The following AATK variants were observed in gnomAD, a reference collection of about 807,000 sequenced individuals.
The protein encoded by AATK is lemur tail kinase 1.
AATK carries 91 observed loss-of-function variants against 114.3 expected under a neutral mutation model. The ratio of observed to expected loss-of-function variants is 0.80; its 90% CI spans 0.67 to 0.95. The LOEUF (loss-of-function observed/expected upper bound fraction) is 0.95, where lower values mean the gene tolerates loss of function less well. AATK is among the 40% of genes least tolerant of loss of function. The pLI is 0.00. For missense variants in AATK, 2,176 were observed against 1,965.2 expected, an observed-to-expected ratio of 1.11 and a Z score of -2.03; for synonymous variants, 1,075 against 916.5, an observed-to-expected ratio of 1.17 and a Z score of -3.12.
At chr17:81,149,466 G>T (rs529585760) in intron 1 of AATK, among the ~76,000 whole-genome samples, 97 of 145,506 alleles carry the variant, frequency 6.7e-4, no homozygotes, top group Middle Eastern at 3.5e-3. Flanking sequence ...CCAATCCCTT[G>T]TCTTCTCTCC....
At chr17:81,127,147 G>A (rs1017080195) in intron 6 of AATK, among the ~76,000 whole-genome samples, 9 of 150,792 alleles carry the variant, frequency 6.0e-5, no homozygotes, top group Non-Finnish European at 7.4e-5. Flanking sequence ...ACAGGTCCCC[G>A]GGGCGGGGGG....
chr17:81,119,888 AGG>A, intron 12 of AATK, 46 bp downstream of exon 12: 3 of 1,402,176 alleles, frequency 2.1e-6, no homozygotes, highest in Non-Finnish European at 2.8e-6. Context: ...AGCACGGACC[AGG>A]CCCTGCCTCC....
intron 1 of AATK, chr17:81,160,156 A>T (rs1013937245): frequency 1.4e-5 from 9 of 658,898 alleles, no homozygotes; most frequent in Non-Finnish European, 1.7e-5. Flanking sequence ...CTGCAGGAGC[A>T]GGAGTCTCCT....
chr17:81,137,968 A>G, intron 1 of AATK, among the ~76,000 whole-genome samples: 1 of 151,458 alleles, frequency 6.6e-6, no homozygotes, highest in Non-Finnish European at 1.5e-5. Flanking sequence ...ATCCACACAC[A>G]CGCAGACACC....
At chr17:81,163,083 A>G (rs930887857) in intron 1 of AATK, among the ~76,000 whole-genome samples, 1 of 152,166 alleles carries the variant, frequency 6.6e-6, no homozygotes, top group East Asian at 1.9e-4. Context: ...AGCAAACCAG[A>G]GGTGGCCCCA....
chr17:81,140,657 ACCGTGGGG>A (rs1161574103), intron 1 of AATK, among the ~76,000 whole-genome samples: 1 of 139,014 alleles, frequency 7.2e-6, no homozygotes, highest in Non-Finnish European at 1.6e-5. Context: ...GGGCCGGGGG[ACCGTGGGG>A]CCGTGGGGAC....
chr17:81,165,869 G>C, intron 1 of AATK, 69 bp downstream of exon 1: 8 of 1,536,446 alleles, frequency 5.2e-6, no homozygotes, highest in Non-Finnish European at 7.0e-6. Flanking sequence ...GGGAGCCGTG[G>C]GGCCCAGGGG....
intron 2 of AATK, chr17:81,132,109 CAA>C (rs1366682702): frequency 2.5e-5 from 25 of 1,002,632 alleles, no homozygotes; most frequent in East Asian, 6.4e-5. Context: ...CGCTGAGAGC[CAA>C]AGTCTCCAAA....
In AATK at chr17:81,118,282, C is replaced by A. The variant is rs995982816; in HGVS notation, c.*120G>T. ...CAGGACACCGCGTGGGGCAGAGGCA[C>A]CTGAATCTGCTGCCAACAGCCACCA... On this transcript the variant is annotated 3_prime_UTR_variant, in exon 14 of 14. Transcript: ENST00000326724. 9.3e-6 allele frequency: 10 copies of A among 1,070,836 alleles called. No homozygotes were observed. The highest frequency in any genetic ancestry group is 1.2e-5 in the Non-Finnish European group (9 of 731,040). The allele number at this position is 1,070,836 out of a possible 1,614,324, so 66.3% of individuals were successfully genotyped here.
chr17:81,118,922 G>A lies in AATK; in HGVS notation c.4084+458C>T, dbSNP rs548153209. Among the ~76,000 whole-genome samples, 8 of 152,292 alleles carry A rather than the reference G, an allele frequency of 5.3e-5. No individual in the cohort carries two copies. The South Asian group carries it at 6.2e-4, about 12-fold the overall frequency. On this transcript the variant is annotated intron_variant, in intron 13 of 13. Coordinates refer to ENST00000326724, the MANE Select transcript of AATK (RefSeq NM_001080395.3). ...AGGGGTAGGGACACCTGGCAGAGAT[G>A]AGCCCAGCCTGGGGTGGGGCGGATA...
At chr17:81,138,786 T>C (rs914758941) in intron 1 of AATK, among the ~76,000 whole-genome samples, 2 of 78,134 alleles carry the variant, frequency 2.6e-5, no homozygotes, top group Non-Finnish European at 5.5e-5. Context: ...CACACACCCA[T>C]GTGCACACAA....
At chr17:81,137,244 T>G in intron 1 of AATK, among the ~76,000 whole-genome samples, 1 of 141,624 alleles carries the variant, frequency 7.1e-6, no homozygotes, top group African/African-American at 2.7e-5. Context: ...GGTGACAGAG[T>G]AAGACTCCGC....
rs985930182 is a variant in AATK at position 81,127,612 on chromosome 17, A to G, written c.592T>C (p.Tyr198His). Reference protein sequence around the residue: ...CLAQCAEVTPYLLVMEFCPLG... With the variant: ...CLAQCAEVTPHLLVMEFCPLG... ...GGGCAGAACTCCATCACCAGCAGGTAGGGCGTCACCTCGGCGCACTGGGCC... is the reference window on the plus strand; with the variant it reads ...GGGCAGAACTCCATCACCAGCAGGTGGGGCGTCACCTCGGCGCACTGGGCC... Residue 198 changes from tyrosine to histidine, a missense_variant, in exon 6 of 14, where the codon TAC becomes CAC. Around this residue, in one of 4 missense-constraint regions of AATK, gnomAD observed 273 missense variants for 344.1 expected, o/e 0.79. Coordinates refer to ENST00000326724, the MANE Select transcript of AATK (RefSeq NM_001080395.3). The G allele has an allele frequency of 1.9e-5, 31 of 1,602,428 alleles. No individual in the cohort carries two copies. Among genetic ancestry groups the G allele is most frequent in the African/African-American group, 2.7e-5 (2 of 74,670 alleles).
chr17:81,128,325 C>T, intron 4 of AATK, 145 bp downstream of exon 4: 1 of 1,045,580 alleles, frequency 9.6e-7, no homozygotes, highest in Non-Finnish European at 1.4e-6. Flanking sequence ...ATGCTGAGGA[C>T]CTCCCTGGGG....
intron 1 of AATK, among the ~76,000 whole-genome samples, chr17:81,143,656 C>T (rs1183229055): frequency 2.0e-5 from 3 of 152,220 alleles, no homozygotes; most frequent in South Asian, 2.1e-4. Flanking sequence ...CAGCACGTCG[C>T]CCCACAGTTA....
intron 2 of AATK, chr17:81,131,906 C>G (rs1223200633): frequency 7.5e-7 from 1 of 1,337,978 alleles, no homozygotes; most frequent in Non-Finnish European, 9.9e-7. Flanking sequence ...GCCCACCTGC[C>G]ACCGCCATCT....
chr17:81,126,564 C>A lies in AATK; in HGVS notation c.622-4G>T. ...GCAGGTAGCCCTTGAGGTCCCCCTG[C>A]AGAAAGGGGGTGTGGCGCAGTCACC... On this transcript the variant is annotated splice_polypyrimidine_tract_variant and splice_region_variant and intron_variant, in intron 6 of 13. Transcript: ENST00000326724. This position sits in a 1 kb window ranked among gnomAD's most constrained non-coding sequence, Gnocchi z 5.1. 2 of 1,537,652 alleles carry A rather than the reference C, an allele frequency of 1.3e-6. No individual in the cohort carries two copies. Among genetic ancestry groups the A allele is most frequent in the Non-Finnish European group, 1.8e-6 (2 of 1,136,966 alleles).
chr17:81,148,695 C>T (rs535426304), intron 1 of AATK, among the ~76,000 whole-genome samples: 38 of 152,314 alleles, frequency 2.5e-4, no homozygotes, highest in African/African-American at 8.9e-4. Flanking sequence ...CATACAGACA[C>T]ACGGGCACAC....
At chr17:81,127,718 G>C in intron 5 of AATK, 48 bp from the exon 6 acceptor site, 1 of 1,542,226 alleles carries the variant, frequency 6.5e-7, no homozygotes, top group Non-Finnish European at 8.8e-7. Context: ...GGTGGGGAGG[G>C]GGAGTCGGGC....
Sources: allele counts gnomAD v4.1 joint callset (sites outside exome capture counted in the v4.1 genomes callset), GRCh38; gene constraint gnomAD v4.1.1; regional missense constraint gnomAD v4.1.1; non-coding constraint Gnocchi (gnomAD v3.1); transcripts MANE v1.5; gene names NCBI Gene and HGNC (gene_info 2026-07-23, HGNC 2026-07-21).